Variants in RIPOR3 observed in about 807,000 individuals in gnomAD.
The protein encoded by RIPOR3 is RIPOR family member 3.
In RIPOR3, 95 loss-of-function variants were observed where a neutral mutation model predicts 114.3. The ratio of observed to expected loss-of-function variants is 0.83; its 90% CI spans 0.70 to 0.99. The LOEUF is 0.99. Among genes scored for constraint, RIPOR3 ranks in the 50% least tolerant of loss-of-function variants. The pLI, the probability that RIPOR3 is intolerant of heterozygous loss-of-function variation, is 0.00. For synonymous variants in RIPOR3, 575 were observed against 543.8 expected (o/e 1.06, Z -0.80); for missense variants, 1,252 against 1,266.9 (o/e 0.99, Z 0.18).
intron 1 of RIPOR3, among the ~76,000 whole-genome samples, chr20:50,669,903 TC>T (rs1406718548): frequency 6.7e-6 from 1 of 149,298 alleles, no homozygotes; most frequent in Non-Finnish European, 1.5e-5. Context: ...ATGCCTGTAA[TC>T]CCAGTACTTT....
At chr20:50,597,400 G>T in intron 14 of RIPOR3, 180 bp downstream of exon 14, 2 of 899,076 alleles carry the variant, frequency 2.2e-6, no homozygotes, top group Admixed American at 2.7e-5. Flanking sequence ...CTGAGGACCG[G>T]CTCTGAGGCA....
chr20:50,652,590 C>CAAAAAAAAAAAAAAAA (rs11470456), intron 1 of RIPOR3, among the ~76,000 whole-genome samples: 9 of 87,320 alleles, frequency 1.0e-4, no homozygotes, highest in African/African-American at 2.1e-4. Flanking sequence ...GATTCTGTCT[C>CAAAAAAAAAAAAAAAA]AAAAAAAAAA....
intron 1 of RIPOR3, among the ~76,000 whole-genome samples, chr20:50,644,037 T>A (rs927085372): frequency 1.3e-5 from 2 of 152,046 alleles, no homozygotes; most frequent in African/African-American, 2.4e-5. Flanking sequence ...GGAGGATTTC[T>A]TGAGCCCAGG....
rs772278413 is a variant in RIPOR3, at chr20:50,609,738, G to A, written c.427-16C>T. ...GCTCATCCACCTGTGGTGGGCACAC[G>A]GGCTGGTGGCGCTGCCCACGCGGAG... On this transcript the variant is annotated splice_polypyrimidine_tract_variant and intron_variant, in intron 6 of 21. Coordinates refer to ENST00000327979, the MANE Select transcript of RIPOR3 (RefSeq NM_001290268.2). 1.6e-4 allele frequency: 224 copies of A among 1,359,618 alleles called. No individual in the cohort carries two copies. The highest frequency in any genetic ancestry group is 3.8e-4 in the Middle Eastern group (2 of 5,238). 84.2% of individuals were successfully genotyped at this position (1,359,618 alleles called of 1,614,324 possible). A position where few individuals can be genotyped will look rare whatever the true frequency, so the allele number is the denominator to read the frequency against.
rs563096726 is a variant in RIPOR3 at position 50,626,083 on chromosome 20, C to G, written c.122+4655G>C. Among the ~76,000 whole-genome samples the G allele has an allele frequency of 2.2e-4, 34 of 152,360 alleles. 1 individual carries two copies. Among genetic ancestry groups the G allele is most frequent in the Middle Eastern group, 6.8e-3 (2 of 294 alleles). On this transcript the variant is annotated intron_variant, in intron 2 of 21. Transcript: ENST00000327979. ...GTTGTTTGCCTTGACAGTGCGGCTG[C>G]GCTTCGGCCTGCTCGGGTTACCAGG...
intron 2 of RIPOR3, among the ~76,000 whole-genome samples, chr20:50,621,516 C>T (rs1434425136): frequency 1.3e-5 from 2 of 152,212 alleles, no homozygotes; most frequent in Admixed American, 6.5e-5. Context: ...TATTCTGCTC[C>T]CCTGGGCCAA....
chr20:50,654,368 C>T (rs142134461), intron 1 of RIPOR3, among the ~76,000 whole-genome samples: 2,659 of 147,150 alleles, frequency 0.018, 90 homozygotes, highest in African/African-American at 0.063. Flanking sequence ...GGTTTCACTC[C>T]GTTGGCCAGG....
Position 50,595,371 on chromosome 20 carries a change from T to C in RIPOR3, c.2048A>G (p.Glu683Gly), listed in dbSNP as rs2083252800. The C allele has an allele frequency of 6.2e-7, 1 of 1,613,420 alleles. No homozygotes were observed. The highest frequency in any genetic ancestry group is 1.3e-5 in the African/African-American group (1 of 75,054). The change falls in exon 16 of 22, where the codon GAG (glutamate) becomes GGG (glycine). Residue 683 changes from glutamate to glycine, a missense_variant and splice_region_variant. Glu to Gly is a moderately conservative substitution (Grantham distance 98). Transcript: ENST00000327979. Reference sequence around the variant, plus strand: ...CTGGGTGGCAGGCAGCTACTTACTCTCTTCAATGGATGTTGCCTTGCCGAC... The same window carrying C: ...CTGGGTGGCAGGCAGCTACTTACTCCCTTCAATGGATGTTGCCTTGCCGAC... ...EKVGKATSIE[E>G]IIPQASRTKG...
chr20:50,633,092 C>T (rs1600639135), intron 1 of RIPOR3, among the ~76,000 whole-genome samples: 2 of 152,016 alleles, frequency 1.3e-5, no homozygotes, highest in African/African-American at 2.4e-5. Context: ...GGTGAAGCCC[C>T]GTCTACTAAA....
At position 50,594,750 on chromosome 20, in the gene RIPOR3, C is replaced by A; in HGVS notation, c.2051-36G>T. On this transcript the variant is annotated intron_variant, in intron 16 of 21. Transcript: ENST00000327979. ...CAGTTCAGAAACCTGAATGGTGACTCGGGGAGAGCACATGACAAGGACCCG... is the reference window on the plus strand; with the variant it reads ...CAGTTCAGAAACCTGAATGGTGACTAGGGGAGAGCACATGACAAGGACCCG... 1 of 1,587,644 alleles carries A rather than the reference C, an allele frequency of 6.3e-7. No homozygotes were observed. The highest frequency in any genetic ancestry group is 1.1e-5 in the South Asian group (1 of 89,174).
chr20:50,587,918 C>G (rs756117606), intron 20 of RIPOR3, 26 bp from the exon 21 acceptor site: 5 of 1,610,884 alleles, frequency 3.1e-6, no homozygotes, highest in Non-Finnish European at 4.2e-6. Context: ...AGAAAAAGAA[C>G]CCTTTAGGGG....
intron 1 of RIPOR3, among the ~76,000 whole-genome samples, chr20:50,686,970 C>T (rs768036612): frequency 6.6e-5 from 10 of 152,132 alleles, no homozygotes; most frequent in Non-Finnish European, 8.8e-5. Flanking sequence ...CTGGAAAGGG[C>T]CCACCTGGCT....
intron 1 of RIPOR3, among the ~76,000 whole-genome samples, chr20:50,690,325 G>A (rs1233816699): frequency 1.3e-5 from 2 of 152,124 alleles, no homozygotes; most frequent in African/African-American, 4.8e-5. Context: ...CTTCTCTCAT[G>A]CCCCCAGGAG....
chr20:50,604,830 C>T, intron 11 of RIPOR3, 56 bp from the exon 12 acceptor site: 1 of 1,586,872 alleles, frequency 6.3e-7, no homozygotes, highest in Non-Finnish European at 8.5e-7. Context: ...CCATTTCAGG[C>T]CCAGACGGCC....
rs1274418588 is a variant in RIPOR3 at position 50,594,727 on chromosome 20, G to A, written c.2051-13C>T. The stretch of plus-strand genomic sequence containing the variant: ...GCCTGTGGGATGACTGAAAGCCCCA[G>A]TTCAGAAACCTGAATGGTGACTCGG... On this transcript the variant is annotated splice_polypyrimidine_tract_variant and intron_variant, in intron 16 of 21. Transcript: ENST00000327979. 6.2e-7 allele frequency: 1 copy of A among 1,603,990 alleles called. No individual in the cohort carries two copies. The highest frequency in any genetic ancestry group is 8.5e-7 in the Non-Finnish European group (1 of 1,172,794).
chr20:50,633,890 T>G (rs576122481), intron 1 of RIPOR3, among the ~76,000 whole-genome samples: 2 of 152,138 alleles, frequency 1.3e-5, no homozygotes, highest in Admixed American at 1.3e-4. Flanking sequence ...CCATTTTTCA[T>G]ATGAGGAAAG....
At chr20:50,637,589 A>C (rs1410137358) in intron 1 of RIPOR3, among the ~76,000 whole-genome samples, 2 of 152,128 alleles carry the variant, frequency 1.3e-5, no homozygotes, top group Middle Eastern at 3.2e-3. Flanking sequence ...GGGGCCAGGC[A>C]CACTCCTATA....
chr20:50,685,222 A>ATTT lies in RIPOR3; in HGVS notation c.3+5901_3+5903dup, dbSNP rs35813074. On this transcript the variant is annotated intron_variant, in intron 1 of 21. Coordinates refer to ENST00000327979, the MANE Select transcript of RIPOR3 (RefSeq NM_001290268.2). ...TCTTGAGAGCTGATGATGGGATAGA[A>ATTT]TTTTTTTTTTTTTTTTTTTGAGATG... is the stretch of plus-strand genomic sequence containing the variant. Among the ~76,000 whole-genome samples the ATTT allele has an allele frequency of 1.4e-3, 183 of 127,998 alleles. 7 individuals carry two copies. Among genetic ancestry groups the ATTT allele is most frequent in the South Asian group, 4.7e-3 (18 of 3,828 alleles). The allele number at this position is 127,998 out of a possible 152,430, so 84.0% of individuals were successfully genotyped here.
intron 1 of RIPOR3, among the ~76,000 whole-genome samples, chr20:50,654,895 A>G (rs2085752880): frequency 6.6e-6 from 1 of 152,038 alleles, no homozygotes; most frequent in African/African-American, 2.4e-5. Flanking sequence ...ACAGGCACGC[A>G]CCACCACACC....
Sources: gnomAD v4.1 joint callset for allele counts (sites outside exome capture counted in the v4.1 genomes callset) on GRCh38, gnomAD v4.1.1 for gene constraint, MANE v1.5 for transcripts, NCBI Gene and HGNC (gene_info 2026-07-23, HGNC 2026-07-21) for gene names.